Variants in MCTP1 observed in about 807,000 individuals in gnomAD.
MCTP1 encodes multiple C2 and transmembrane domain-containing protein 1.
In MCTP1, 69 loss-of-function variants were observed where a neutral mutation model predicts 120.6. That is an observed-to-expected ratio of 0.57 (90% confidence interval 0.47 to 0.70). The LOEUF (loss-of-function observed/expected upper bound fraction) is 0.70. Among genes scored for constraint, MCTP1 ranks in the 30% least tolerant of loss-of-function variants. The pLI, the probability that MCTP1 is intolerant of heterozygous loss-of-function variation, is 0.00. For missense variants in MCTP1, 1,203 were observed against 1,248.8 expected, an observed-to-expected ratio of 0.96 and a Z score of 0.55; for synonymous variants, 529 against 493.1, an observed-to-expected ratio of 1.07 and a Z score of -0.96.
chr5:94,725,098 G>C (rs980037117), intron 19 of MCTP1, among the ~76,000 whole-genome samples: 1 of 152,160 alleles, frequency 6.6e-6, no homozygotes, highest in African/African-American at 2.4e-5. Flanking sequence ...GTGAAAGCAC[G>C]TGAACCTGTG....
chr5:95,009,583 A>G (rs113215860), intron 2 of MCTP1, among the ~76,000 whole-genome samples: 9 of 151,178 alleles, frequency 6.0e-5, no homozygotes, highest in African/African-American at 2.2e-4. Flanking sequence ...ATATATGAAT[A>G]TATATAAAAG....
At chr5:95,231,780 C>T (rs563220177) in intron 1 of MCTP1, among the ~76,000 whole-genome samples, 41 of 151,932 alleles carry the variant, frequency 2.7e-4, no homozygotes, top group Non-Finnish European at 5.3e-4. Flanking sequence ...GAATTTTCAA[C>T]AGAGACATAA....
At chr5:94,892,219 C>T (rs978086059) in intron 11 of MCTP1, among the ~76,000 whole-genome samples, 2 of 152,330 alleles carry the variant, frequency 1.3e-5, no homozygotes, top group Middle Eastern at 3.4e-3. Flanking sequence ...TTATGACTCG[C>T]TGTCATCTTA....
At chr5:94,802,500 G>A (rs1781425117) in intron 17 of MCTP1, among the ~76,000 whole-genome samples, 1 of 152,130 alleles carries the variant, frequency 6.6e-6, no homozygotes, top group Non-Finnish European at 1.5e-5. Flanking sequence ...CCACACTAAA[G>A]CCTCTTCTCT....
intron 16 of MCTP1, 103 bp downstream of exon 16, chr5:94,870,314 G>A: frequency 4.4e-6 from 3 of 676,704 alleles, no homozygotes; most frequent in Non-Finnish European, 7.5e-6. Flanking sequence ...AAAAATTCCA[G>A]TCTTCCCCCC....
intron 3 of MCTP1, among the ~76,000 whole-genome samples, chr5:94,950,758 C>T (rs1820320693): frequency 1.3e-5 from 2 of 151,890 alleles, no homozygotes; most frequent in Middle Eastern, 3.4e-3. Context: ...TCGAGACCAT[C>T]CCAGCTAACA....
intron 18 of MCTP1, chr5:94,791,829 A>G (rs1296897348): frequency 6.6e-6 from 1 of 152,264 alleles, no homozygotes; most frequent in East Asian, 1.9e-4. Flanking sequence ...TCCTCTCCAG[A>G]CCCACTATCT....
In MCTP1 at chr5:94,786,605, C is replaced by A. The variant is rs569026818; in HGVS notation, c.2557-7442G>T. ...ATATCATGAGCTTCCCACAATATAA[C>A]ACAGAACTCTATATCCCAGGAAAAG... On this transcript the variant is annotated intron_variant, in intron 18 of 22. Transcript: ENST00000515393. Among the ~76,000 whole-genome samples, 3 of 152,270 alleles carry A rather than the reference C, an allele frequency of 2.0e-5. No individual in the cohort carries two copies. In the East Asian group the frequency reaches 5.8e-4, roughly 29 times the overall value.
chr5:95,197,509 C>A (rs10044143), intron 1 of MCTP1, among the ~76,000 whole-genome samples: 1 of 151,850 alleles, frequency 6.6e-6, no homozygotes, highest in Non-Finnish European at 1.5e-5. Flanking sequence ...GTTTAGCCTA[C>A]GAATTGACAA....
In MCTP1 at chr5:94,893,227, C is replaced by T. The variant is rs559632060; in HGVS notation, c.1839+1422G>A. Among the ~76,000 whole-genome samples the T allele has an allele frequency of 2.0e-5, 3 of 152,284 alleles. No individual in the cohort carries two copies. In the South Asian group the frequency reaches 6.2e-4, roughly 32 times the overall value. ...AAAAAAATTAATAATAGGTGGATTACTTCTAATTACTTAGGCAGCAGTATC... is the reference window on the plus strand; with the variant it reads ...AAAAAAATTAATAATAGGTGGATTATTTCTAATTACTTAGGCAGCAGTATC... On this transcript the variant is annotated intron_variant, in intron 11 of 22. Coordinates refer to ENST00000515393, the MANE Select transcript of MCTP1 (RefSeq NM_024717.7).
At chr5:95,000,821 A>G (rs1833534152) in intron 2 of MCTP1, among the ~76,000 whole-genome samples, 1 of 152,232 alleles carries the variant, frequency 6.6e-6, no homozygotes, top group Non-Finnish European at 1.5e-5. Context: ...CACCTACAGT[A>G]AAGTCCTAGG....
At chr5:94,799,230 G>C (rs1780697613) in intron 17 of MCTP1, 98 bp from the exon 18 acceptor site, 4 of 1,080,256 alleles carry the variant, frequency 3.7e-6, no homozygotes, top group Non-Finnish European at 5.3e-6. Context: ...AAAACCAAAT[G>C]CTTCAGAACA....
intron 2 of MCTP1, chr5:94,978,874 A>T (rs987760924): frequency 6.6e-6 from 1 of 151,866 alleles, no homozygotes; most frequent in Non-Finnish European, 1.5e-5. Context: ...AATAAAATAA[A>T]TTTTTTTAAA....
At chr5:95,036,975 G>A (rs1841442671) in intron 1 of MCTP1, among the ~76,000 whole-genome samples, 1 of 151,982 alleles carries the variant, frequency 6.6e-6, no homozygotes, top group African/African-American at 2.4e-5. Flanking sequence ...TAATATTACA[G>A]AAAACACAGA....
intron 1 of MCTP1, among the ~76,000 whole-genome samples, chr5:95,074,134 A>T (rs987990277): frequency 2.6e-5 from 4 of 152,236 alleles, no homozygotes; most frequent in Non-Finnish European, 5.9e-5. Context: ...AAAGAAAAAA[A>T]ATTACACTCT....
chr5:94,739,831 C>A (rs757766085), intron 19 of MCTP1, among the ~76,000 whole-genome samples: 1 of 152,148 alleles, frequency 6.6e-6, no homozygotes, highest in Non-Finnish European at 1.5e-5. Flanking sequence ...CCACGCCCAG[C>A]TAATTTTTGT....
intron 1 of MCTP1, among the ~76,000 whole-genome samples, chr5:95,259,201 T>C (rs1164142071): frequency 6.6e-6 from 1 of 152,128 alleles, no homozygotes; most frequent in Non-Finnish European, 1.5e-5. Flanking sequence ...TGGAGAATCA[T>C]CCCTGCCAAC....
At chr5:95,268,407 C>T (rs1007465075) in intron 1 of MCTP1, among the ~76,000 whole-genome samples, 1 of 152,074 alleles carries the variant, frequency 6.6e-6, no homozygotes, top group African/African-American at 2.4e-5. Context: ...CTCCCCATTC[C>T]AAGACATCTG....
intron 18 of MCTP1, among the ~76,000 whole-genome samples, chr5:94,783,280 G>T (rs542799697): frequency 5.9e-5 from 9 of 151,992 alleles, no homozygotes; most frequent in Non-Finnish European, 1.0e-4. Context: ...TTCAATATTT[G>T]CTGAACATTT....
Sources: gnomAD v4.1 joint callset for allele counts (sites outside exome capture counted in the v4.1 genomes callset) on GRCh38, gnomAD v4.1.1 for gene constraint, MANE v1.5 for transcripts, NCBI Gene and HGNC (gene_info 2026-07-23, HGNC 2026-07-21) for gene names.